The following CLUL1 variants were observed in gnomAD, a reference collection of about 807,000 sequenced individuals.
The protein encoded by CLUL1 is clusterin like 1.
In CLUL1, 43 loss-of-function variants were observed where a neutral mutation model predicts 49.4. The ratio of observed to expected loss-of-function variants is 0.87; its 90% CI spans 0.68 to 1.12. The LOEUF (loss-of-function observed/expected upper bound fraction) is 1.12, where lower values mean the gene tolerates loss of function less well. Among genes scored for constraint, CLUL1 ranks in the 50% most tolerant of loss-of-function variants. The pLI is 0.00. For missense variants in CLUL1, 486 were observed against 544.4 expected (o/e 0.89, Z 1.07); for synonymous variants, 192 against 184.9 (o/e 1.04, Z -0.31).
Position 645,810 on chromosome 18 carries a change from AATATATATATATATATAT to A in CLUL1, c.1397+738_1397+755del, listed in dbSNP as rs35329822. ...CTCTGTTTAAAAAAAAAAAAAAAAAAATATATATATATATATATATATATATATATATATATATATATG... is the reference window on the plus strand; with the variant it reads ...CTCTGTTTAAAAAAAAAAAAAAAAAAATATATATATATATATATATATATG... On this transcript the variant is annotated intron_variant, in intron 9 of 9. Transcript: ENST00000692774. Among the ~76,000 whole-genome samples the A allele has an allele frequency of 8.7e-4, 26 of 29,872 alleles. 1 individual carries two copies. The highest frequency in any genetic ancestry group is 1.4e-3 in the African/African-American group (10 of 7,254). 19.6% of individuals were successfully genotyped at this position (29,872 alleles called of 152,430 possible).
At chr18:626,745 C>A (rs1030907746) in intron 5 of CLUL1, among the ~76,000 whole-genome samples, 9 of 149,780 alleles carry the variant, frequency 6.0e-5, no homozygotes, top group South Asian at 4.3e-4. Flanking sequence ...ACTGTAATCC[C>A]AGCTACTCGG....
chr18:611,900 A>G (rs1369434613), intron 2 of CLUL1, among the ~76,000 whole-genome samples: 1 of 151,758 alleles, frequency 6.6e-6, no homozygotes, highest in Non-Finnish European at 1.5e-5. Flanking sequence ...GTGCCAGCCA[A>G]TGGCCCCCAC....
chr18:610,156 C>G (rs1214699767), intron 2 of CLUL1, among the ~76,000 whole-genome samples: 1 of 152,068 alleles, frequency 6.6e-6, no homozygotes. Context: ...ACACATTTGC[C>G]AGGGTCATAA....
In CLUL1 at chr18:618,341, T is replaced by C. The variant is rs150626497; in HGVS notation, c.106+235T>C. ...GATGTTTGTATCATGTAGATACAAC[T>C]TGCCAGTTTTTTCACTGCATTTTTT... is the stretch of plus-strand genomic sequence containing the variant. On this transcript the variant is annotated intron_variant, in intron 3 of 9. Coordinates refer to ENST00000692774, the MANE Select transcript of CLUL1 (RefSeq NM_001393344.1). This position sits in a 1 kb window ranked among gnomAD's most constrained non-coding sequence, Gnocchi z 4.2. Among the ~76,000 whole-genome samples, 1 of 152,218 alleles carries C rather than the reference T, an allele frequency of 6.6e-6. No individual in the cohort carries two copies. The highest frequency in any genetic ancestry group is 1.5e-5 in the Non-Finnish European group (1 of 68,042).
At chr18:645,155 G>T in intron 9 of CLUL1, 58 bp downstream of exon 9, 1 of 1,325,950 alleles carries the variant, frequency 7.5e-7, no homozygotes, top group South Asian at 1.9e-5. Context: ...ATTCTCAAAA[G>T]GGAAAAACAA....
chr18:610,871 TA>T (rs2073114203), intron 2 of CLUL1, among the ~76,000 whole-genome samples: 1 of 151,956 alleles, frequency 6.6e-6, no homozygotes, highest in African/African-American at 2.4e-5. Context: ...ACCTTGCCTC[TA>T]AAAAAATAAA....
intron 4 of CLUL1, among the ~76,000 whole-genome samples, chr18:621,174 C>A (rs978493740): frequency 2.6e-5 from 4 of 152,134 alleles, no homozygotes; most frequent in African/African-American, 4.8e-5. Flanking sequence ...CCATTCCCCC[C>A]ACCCCAGTCA....
intron 2 of CLUL1, among the ~76,000 whole-genome samples, chr18:608,744 T>C (rs1292820400): frequency 6.6e-6 from 1 of 151,526 alleles, no homozygotes; most frequent in East Asian, 1.9e-4. Flanking sequence ...CAAATAAGTA[T>C]AGTTCTTTCA....
At chr18:625,559 ACC>A (rs368017834) in intron 5 of CLUL1, among the ~76,000 whole-genome samples, 1 of 133,092 alleles carries the variant, frequency 7.5e-6, no homozygotes, top group African/African-American at 2.7e-5. Context: ...ACACACACAC[ACC>A]CCTTCATGTC....
In CLUL1 at chr18:649,951, G is replaced by T; in HGVS notation, c.*50G>T. The T allele has an allele frequency of 8.3e-7, 1 of 1,206,918 alleles. No individual in the cohort carries two copies. 74.8% of individuals were successfully genotyped at this position (1,206,918 alleles called of 1,614,324 possible). A position where few individuals can be genotyped will look rare whatever the true frequency, so the allele number is the denominator to read the frequency against. On this transcript the variant is annotated 3_prime_UTR_variant, in exon 10 of 10. Transcript: ENST00000692774. ...AGTAAGTAGAATTATCTCTTCATCT[G>T]GGACCTGGAAATCCTGAAATAAAAA...
intron 2 of CLUL1, among the ~76,000 whole-genome samples, chr18:610,038 A>G (rs1567956613): frequency 6.6e-6 from 1 of 152,124 alleles, no homozygotes; most frequent in African/African-American, 2.4e-5. Context: ...AGAGGATGAG[A>G]CTTAAATGTT....
intron 1 of CLUL1, among the ~76,000 whole-genome samples, chr18:604,568 A>G (rs541787719): frequency 1.6e-4 from 24 of 152,338 alleles, no homozygotes; most frequent in Non-Finnish European, 2.6e-4. Flanking sequence ...CACACACTTT[A>G]TTAATAACCA....
At position 602,309 on chromosome 18, in the gene CLUL1, C is replaced by T. The variant is rs530510787; in HGVS notation, c.-135-4669C>T. Among the ~76,000 whole-genome samples the T allele has an allele frequency of 3.7e-4, 57 of 152,272 alleles. 1 individual carries two copies. The highest frequency in any genetic ancestry group is 7.8e-4 in the Admixed American group (12 of 15,296). ...TAGTGTGTGCTGGTTGGTCTCTGTTCTCCCCCTCTCCTCCAGATCTATTCT... is the reference window on the plus strand; with the variant it reads ...TAGTGTGTGCTGGTTGGTCTCTGTTTTCCCCCTCTCCTCCAGATCTATTCT... On this transcript the variant is annotated intron_variant, in intron 1 of 9. Coordinates refer to ENST00000692774, the MANE Select transcript of CLUL1 (RefSeq NM_001393344.1).
At chr18:617,967 G>A (rs1467988798) in intron 2 of CLUL1, 21 bp from the exon 3 acceptor site, 3 of 1,596,234 alleles carry the variant, frequency 1.9e-6, no homozygotes, top group Admixed American at 3.4e-5. Context: ...CATTTGATGC[G>A]GGTTTATTTT....
intron 9 of CLUL1, 27 bp downstream of exon 9, chr18:645,124 C>T (rs1472089421): frequency 1.3e-6 from 2 of 1,499,224 alleles, no homozygotes; most frequent in Non-Finnish European, 1.8e-6. Flanking sequence ...GTTAGGAATG[C>T]CTTGTTGACA....
At chr18:630,472 G>C (rs2073961194) in intron 6 of CLUL1, among the ~76,000 whole-genome samples, 1 of 151,968 alleles carries the variant, frequency 6.6e-6, no homozygotes, top group Admixed American at 6.6e-5. Flanking sequence ...GTAATCACAG[G>C]GTCCTTAAAA....
At chr18:611,129 C>T (rs2073121949) in intron 2 of CLUL1, among the ~76,000 whole-genome samples, 1 of 152,030 alleles carries the variant, frequency 6.6e-6, no homozygotes, top group African/African-American at 2.4e-5. Context: ...CCTCTGTGGC[C>T]CTGGCTCAGC....
chr18:619,429 C>A, intron 4 of CLUL1, 68 bp downstream of exon 4: 3 of 1,320,124 alleles, frequency 2.3e-6, no homozygotes, highest in Non-Finnish European at 3.0e-6. Context: ...CTTGTTAGTG[C>A]GATTGATGAA....
At chr18:602,705 G>A (rs943682950) in intron 1 of CLUL1, among the ~76,000 whole-genome samples, 3 of 152,158 alleles carry the variant, frequency 2.0e-5, no homozygotes, top group East Asian at 1.9e-4. Context: ...AATAAATGGC[G>A]CATTTTCGCA....
Sources: allele counts gnomAD v4.1 joint callset (sites outside exome capture counted in the v4.1 genomes callset), GRCh38; gene constraint gnomAD v4.1.1; non-coding constraint Gnocchi (gnomAD v3.1); transcripts MANE v1.5; gene names NCBI Gene and HGNC (gene_info 2026-07-23, HGNC 2026-07-21).